The following LINGO1 variants were observed in gnomAD, a reference collection of about 807,000 sequenced individuals.
LINGO1 encodes the protein leucine-rich repeat and immunoglobulin-like domain-containing nogo receptor-interacting protein 1.
A neutral mutation model predicts 37.3 loss-of-function variants in LINGO1; 11 were observed. The observed-to-expected ratio is 0.29, with a 90% CI of 0.19 to 0.49. The LOEUF (loss-of-function observed/expected upper bound fraction) is 0.49, where lower values mean the gene tolerates loss of function less well. Among genes scored for constraint, LINGO1 ranks in the 20% least tolerant of loss-of-function variants. The pLI is 0.99. For missense variants in LINGO1, 585 were observed against 878.2 expected (o/e 0.67, Z 4.22); for synonymous variants, 387 against 403.0 (o/e 0.96, Z 0.48).
chr15:77,649,735 G>A (rs1366420641), intron 3 of LINGO1, among the ~76,000 whole-genome samples: 1 of 152,132 alleles, frequency 6.6e-6, no homozygotes, highest in Non-Finnish European at 1.5e-5. Context: ...CAGTGTGGCA[G>A]GCAGGACTCT....
chr15:77,704,177 T>G (rs2075819545), intron 2 of LINGO1, among the ~76,000 whole-genome samples: 1 of 152,124 alleles, frequency 6.6e-6, no homozygotes, highest in African/African-American at 2.4e-5. Flanking sequence ...CTACGACCAT[T>G]CAAGCTTCTG....
At chr15:77,747,848 TCA>T (rs1040933200) in intron 1 of LINGO1, among the ~76,000 whole-genome samples, 2 of 148,988 alleles carry the variant, frequency 1.3e-5, no homozygotes, top group Non-Finnish European at 3.0e-5. Context: ...AATCATACCC[TCA>T]GTCATTACCC....
chr15:77,797,736 T>C (rs2076884954), intron 1 of LINGO1, among the ~76,000 whole-genome samples: 1 of 152,202 alleles, frequency 6.6e-6, no homozygotes, highest in African/African-American at 2.4e-5. Flanking sequence ...CCAGGGGCAT[T>C]CACAAGGCCT....
At chr15:77,744,870 C>T (rs1036522583) in intron 1 of LINGO1, among the ~76,000 whole-genome samples, 1 of 151,970 alleles carries the variant, frequency 6.6e-6, no homozygotes, top group Non-Finnish European at 1.5e-5. Flanking sequence ...AATCCCAGCA[C>T]TTTGGGAGGC....
At chr15:77,738,393 T>G (rs186327007) in intron 1 of LINGO1, among the ~76,000 whole-genome samples, 1 of 152,162 alleles carries the variant, frequency 6.6e-6, no homozygotes, top group South Asian at 2.1e-4. Flanking sequence ...TCCACCATAA[T>G]TGGCCTCCTT....
chr15:77,764,181 C>A (rs28508300), intron 1 of LINGO1, among the ~76,000 whole-genome samples: 7,566 of 152,286 alleles, frequency 0.05, 634 homozygotes, highest in African/African-American at 0.17. Flanking sequence ...TTCATGCCCA[C>A]CATATGTGCA....
chr15:77,729,652 T>C (rs1399689356), intron 2 of LINGO1, among the ~76,000 whole-genome samples: 1 of 152,174 alleles, frequency 6.6e-6, no homozygotes, highest in Non-Finnish European at 1.5e-5. Flanking sequence ...TGAGCTGCCG[T>C]GGGCTGCAGA....
At chr15:77,746,175 T>C (rs893829084) in intron 1 of LINGO1, among the ~76,000 whole-genome samples, 2 of 143,444 alleles carry the variant, frequency 1.4e-5, no homozygotes, top group Non-Finnish European at 3.0e-5. Flanking sequence ...GCCACTGCAC[T>C]CTAGCCTGGG....
At chr15:77,777,477 A>ACGCGTG (rs1567578762) in intron 1 of LINGO1, among the ~76,000 whole-genome samples, 3 of 139,476 alleles carry the variant, frequency 2.2e-5, no homozygotes, top group Admixed American at 6.9e-5. Flanking sequence ...ACACACACAC[A>ACGCGTG]CACACACACA....
At chr15:77,727,242 T>C (rs1176151512) in intron 2 of LINGO1, among the ~76,000 whole-genome samples, 1 of 152,236 alleles carries the variant, frequency 6.6e-6, no homozygotes, top group Non-Finnish European at 1.5e-5. Context: ...TGCATATATA[T>C]ACATATCATA....
intron 2 of LINGO1, among the ~76,000 whole-genome samples, chr15:77,725,849 G>C (rs1486186413): frequency 6.6e-6 from 1 of 152,206 alleles, no homozygotes; most frequent in East Asian, 1.9e-4. Flanking sequence ...GAGCTGGTCT[G>C]AGATGGCTCC....
At chr15:77,619,745 A>G (rs2073861481) in intron 1 of LINGO1, among the ~76,000 whole-genome samples, 1 of 152,078 alleles carries the variant, frequency 6.6e-6, no homozygotes. Context: ...ATAAAATAAA[A>G]AAGAAATACA....
At chr15:77,772,038 C>T (rs1189305298) in intron 1 of LINGO1, among the ~76,000 whole-genome samples, 5 of 152,190 alleles carry the variant, frequency 3.3e-5, no homozygotes, top group African/African-American at 1.2e-4. Flanking sequence ...CCACTGTGTA[C>T]CCCACCTCTA....
chr15:77,698,212 G>A (rs927880318), upstream of LINGO1, among the ~76,000 whole-genome samples: 9 of 152,132 alleles, frequency 5.9e-5, no homozygotes, highest in South Asian at 8.3e-4. Flanking sequence ...CAGTGCCAGC[G>A]TCCCACTGAG....
chr15:77,719,148 A>AG (rs1326323357), intron 2 of LINGO1, among the ~76,000 whole-genome samples: 1 of 149,770 alleles, frequency 6.7e-6, no homozygotes, highest in African/African-American at 2.4e-5. Context: ...TCTCCCTCCC[A>AG]GGGGCACCTC....
chr15:77,672,456 C>T (rs546122001), intron 3 of LINGO1, among the ~76,000 whole-genome samples: 83 of 152,266 alleles, frequency 5.5e-4, no homozygotes, highest in African/African-American at 1.8e-3. Flanking sequence ...GCTTTTGGAA[C>T]GGGAAAACCT....
At chr15:77,683,382 C>G (rs2075449713) in intron 2 of LINGO1, among the ~76,000 whole-genome samples, 2 of 152,186 alleles carry the variant, frequency 1.3e-5, no homozygotes, top group Non-Finnish European at 2.9e-5. Flanking sequence ...TGCAGAAAGG[C>G]TTACGGGTGT....
chr15:77,735,753 G>C (rs2076197912), intron 1 of LINGO1, among the ~76,000 whole-genome samples: 1 of 152,166 alleles, frequency 6.6e-6, no homozygotes, highest in Non-Finnish European at 1.5e-5. Context: ...TGCTGGTTGG[G>C]GATCACACTT....
At chr15:77,739,811 C>A (rs1450471834) in intron 1 of LINGO1, among the ~76,000 whole-genome samples, 1 of 152,270 alleles carries the variant, frequency 6.6e-6, no homozygotes, top group South Asian at 2.1e-4. Context: ...ACAAAGGGAG[C>A]ACAGCGGTGG....
Sources: gnomAD v4.1 joint callset for allele counts (sites outside exome capture counted in the v4.1 genomes callset) on GRCh38, gnomAD v4.1.1 for gene constraint, MANE v1.5 for transcripts, NCBI Gene and HGNC (gene_info 2026-07-23, HGNC 2026-07-21) for gene names.